Variants in NMNAT3 observed in about 807,000 individuals in gnomAD.
The protein encoded by NMNAT3 is nicotinamide/nicotinic acid mononucleotide adenylyltransferase 3.
NMNAT3 carries 21 observed loss-of-function variants against 24.8 expected under a neutral mutation model. That is an observed-to-expected ratio of 0.85 (90% confidence interval 0.60 to 1.22). The LOEUF is 1.22. Ranked by LOEUF, NMNAT3 falls within the 50% of genes most tolerant of loss-of-function variation. NMNAT3 has a pLI of 0.00. For missense variants in NMNAT3, 387 were observed against 436.6 expected, an observed-to-expected ratio of 0.89 and a Z score of 1.01; for synonymous variants, 136 against 155.2, an observed-to-expected ratio of 0.88 and a Z score of 0.92.
rs1559849176 is a variant in NMNAT3 at position 139,565,515 on chromosome 3, C to CGA, written c.659-4124_659-4123insTC. On this transcript the variant is annotated intron_variant, in intron 6 of 6. Transcript: ENST00000643695. ...CTCCTAATGCTATCCCTCCCCCCTT[C>CGA]CCCCACCCCACAACAGTCCCTACTG... The CGA allele has an allele frequency of 1.2e-3, 182 of 151,164 alleles. 1 individual carries two copies. The highest frequency in any genetic ancestry group is 4.1e-3 in the African/African-American group (168 of 41,228). The allele number at this position is 151,164 out of a possible 1,614,324, so 9.4% of individuals were successfully genotyped here. A position where few individuals can be genotyped will look rare whatever the true frequency, so the allele number is the denominator to read the frequency against.
chr3:139,592,596 G>A (rs1470972688), intron 3 of NMNAT3, among the ~76,000 whole-genome samples: 1 of 152,194 alleles, frequency 6.6e-6, no homozygotes, highest in Non-Finnish European at 1.5e-5. Context: ...TCAAAGGGAA[G>A]CCCATCAGAC....
chr3:139,568,268 T>G (rs572296163), intron 6 of NMNAT3: 2 of 152,302 alleles, frequency 1.3e-5, no homozygotes, highest in African/African-American at 4.8e-5. Flanking sequence ...GTCTATCAAT[T>G]TTGTTGATCC....
At chr3:139,632,590 A>T (rs1179816570) in intron 2 of NMNAT3, among the ~76,000 whole-genome samples, 1 of 152,136 alleles carries the variant, frequency 6.6e-6, no homozygotes, top group Non-Finnish European at 1.5e-5. Flanking sequence ...ACTGCCATCT[A>T]CTCAGTGGAC....
intron 4 of NMNAT3, among the ~76,000 whole-genome samples, chr3:139,579,385 C>T (rs1031179656): frequency 6.6e-6 from 1 of 152,186 alleles, no homozygotes; most frequent in African/African-American, 2.4e-5. Context: ...AGTTGAGGAA[C>T]AGCATGACTT....
At chr3:139,651,317 T>C (rs1270090549) in intron 1 of NMNAT3, among the ~76,000 whole-genome samples, 1 of 152,210 alleles carries the variant, frequency 6.6e-6, no homozygotes, top group Non-Finnish European at 1.5e-5. Context: ...GTCTCCATTT[T>C]TTTTTGCAAA....
At chr3:139,614,262 A>C (rs1011031594) in intron 3 of NMNAT3, among the ~76,000 whole-genome samples, 3 of 152,072 alleles carry the variant, frequency 2.0e-5, no homozygotes, top group African/African-American at 7.2e-5. Flanking sequence ...AAAACTTTCA[A>C]TGTGTCCCTT....
rs567370418 is a variant in NMNAT3 at position 139,655,576 on chromosome 3, GT to G, written c.-140-17515del. Among the ~76,000 whole-genome samples, 330 of 152,280 alleles carry G rather than the reference GT, an allele frequency of 2.2e-3. 3 individuals are homozygous for G. Among genetic ancestry groups the G allele is most frequent in the Non-Finnish European group, 1.9e-4 (13 of 68,030 alleles). On this transcript the variant is annotated intron_variant, in intron 1 of 6. Transcript: ENST00000643695. ...AGGTTTTGATTATCAGCCTGGCATT[GT>G]AGCTGCAAATTACCCATTTTCTATT...
chr3:139,575,661 C>A, intron 5 of NMNAT3: 4 of 1,028,290 alleles, frequency 3.9e-6, no homozygotes, highest in Non-Finnish European at 4.7e-6. Flanking sequence ...ATAATTACTT[C>A]CAATACAACA....
At chr3:139,661,902 T>C (rs2057426993) in intron 1 of NMNAT3, among the ~76,000 whole-genome samples, 1 of 152,138 alleles carries the variant, frequency 6.6e-6, no homozygotes, top group Non-Finnish European at 1.5e-5. Context: ...CACCTGAAAT[T>C]AACAGTTAAC....
At chr3:139,604,122 T>C (rs775410129) in intron 3 of NMNAT3, among the ~76,000 whole-genome samples, 49 of 152,324 alleles carry the variant, frequency 3.2e-4, no homozygotes, top group African/African-American at 1.1e-3. Context: ...CACACACGAC[T>C]GCATGTCAGC....
In NMNAT3 at chr3:139,578,986, G is replaced by A; in HGVS notation, c.461C>T (p.Ala154Val). 6.2e-7 allele frequency: 1 copy of A among 1,614,212 alleles called. No individual in the cohort carries two copies. Among genetic ancestry groups the A allele is most frequent in the Non-Finnish European group, 8.5e-7 (1 of 1,180,028 alleles). ...GGCCATGGCCACTCGGTGATGAGAA[G>A]CTGCGAGGTCTTTCTTCCCATAGGT... Residue 154 changes from alanine (A) to valine (V), a missense_variant, in exon 5 of 7, where the codon GCT becomes GTT. Transcript: ENST00000643695.
At chr3:139,671,704 A>G (rs921782256) in intron 1 of NMNAT3, among the ~76,000 whole-genome samples, 1 of 152,204 alleles carries the variant, frequency 6.6e-6, no homozygotes, top group African/African-American at 2.4e-5. Context: ...TGGGGAAATT[A>G]AAAGCAAAGC....
chr3:139,627,745 C>A lies in NMNAT3; in HGVS notation c.-21G>T, dbSNP rs2056119089. 1 of 1,493,030 alleles carries A rather than the reference C, an allele frequency of 6.7e-7. No individual in the cohort carries two copies. The highest frequency in any genetic ancestry group is 9.1e-7 in the Non-Finnish European group (1 of 1,099,366). The allele number at this position is 1,493,030 out of a possible 1,614,324, so 92.5% of individuals were successfully genotyped here. On this transcript the variant is annotated 5_prime_UTR_variant, in exon 3 of 7. In the 5' UTR this introduces an upstream ATG that the reference lacks. Transcript: ENST00000643695. ...TTCATCTTGTCAGGCACATCCACACCTGTTGCAGTGGCCACCCTGCTTTTA... is the reference window on the plus strand; with the variant it reads ...TTCATCTTGTCAGGCACATCCACACATGTTGCAGTGGCCACCCTGCTTTTA...
chr3:139,582,190 C>CAAAAAAAAAAAAAAAAAAAAA (rs756159164), intron 4 of NMNAT3, among the ~76,000 whole-genome samples: 4 of 23,074 alleles, frequency 1.7e-4, no homozygotes, highest in Non-Finnish European at 3.7e-4. Context: ...GACTCCCTCT[C>CAAAAAAAAAAAAAAAAAAAAA]AAAAAAAAAA....
intron 3 of NMNAT3, among the ~76,000 whole-genome samples, chr3:139,602,117 T>C (rs1272925433): frequency 2.6e-5 from 4 of 152,228 alleles, no homozygotes; most frequent in Non-Finnish European, 2.9e-5. Flanking sequence ...AGTTAAATGC[T>C]GTGGTGAAAC....
At chr3:139,591,419 C>T (rs546572902) in intron 3 of NMNAT3, among the ~76,000 whole-genome samples, 156 of 151,282 alleles carry the variant, frequency 1.0e-3, no homozygotes, top group African/African-American at 3.4e-3. Context: ...CCCAGGCTTG[C>T]TTAGGTAAAC....
At chr3:139,578,479 T>A (rs1939650942) in intron 5 of NMNAT3, among the ~76,000 whole-genome samples, 1 of 152,160 alleles carries the variant, frequency 6.6e-6, no homozygotes, top group Non-Finnish European at 1.5e-5. Context: ...GTCAGGAAAG[T>A]TATTTACATA....
intron 5 of NMNAT3, chr3:139,575,716 A>G: frequency 9.1e-7 from 1 of 1,093,270 alleles, no homozygotes; most frequent in Non-Finnish European, 1.1e-6. Flanking sequence ...GGGCATGACC[A>G]TTAACTGCTT....
intron 2 of NMNAT3, among the ~76,000 whole-genome samples, chr3:139,633,559 ACCCATCTTTTTAGC>A (rs2056386494): frequency 6.6e-6 from 1 of 152,162 alleles, no homozygotes; most frequent in African/African-American, 2.4e-5. Flanking sequence ...AAGTTAAAAC[ACCCATCTTTTTAGC>A]GGCAGGCTGT....
Sources: allele counts gnomAD v4.1 joint callset (sites outside exome capture counted in the v4.1 genomes callset), GRCh38; gene constraint gnomAD v4.1.1; transcripts MANE v1.5; gene names NCBI Gene and HGNC (gene_info 2026-07-23, HGNC 2026-07-21).